Variants in ACYP2 observed in about 807,000 individuals in gnomAD.
The protein encoded by ACYP2 is acylphosphatase 2, also known as acylphosphatase-2.
Under a neutral mutation model 11.2 loss-of-function variants are expected in ACYP2, and 12 were observed. The observed-to-expected ratio is 1.08, with a 90% CI of 0.69 to 1.74. The LOEUF is 1.74. Ranked by LOEUF, ACYP2 falls within the 40% of genes most tolerant of loss-of-function variation. The pLI is 0.00. For synonymous variants in ACYP2, 43 were observed against 32.2 expected, an observed-to-expected ratio of 1.33 and a Z score of -1.13; for missense variants, 134 against 101.9, an observed-to-expected ratio of 1.31 and a Z score of -1.35.
chr2:54,244,962 T>C (rs1278633736), intron 6 of ACYP2, among the ~76,000 whole-genome samples: 2 of 152,192 alleles, frequency 1.3e-5, no homozygotes, highest in African/African-American at 4.8e-5. Flanking sequence ...CCTATAGTGC[T>C]ATAAAACAGA....
At chr2:54,100,769 A>T (rs575480038) in intron 4 of ACYP2, among the ~76,000 whole-genome samples, 1 of 152,212 alleles carries the variant, frequency 6.6e-6, no homozygotes, top group Non-Finnish European at 1.5e-5. Flanking sequence ...ACTATTTTCT[A>T]TTTTTTGAAT....
At chr2:53,984,817 G>A (rs1040446295) in intron 2 of ACYP2, among the ~76,000 whole-genome samples, 3 of 151,612 alleles carry the variant, frequency 2.0e-5, no homozygotes, top group African/African-American at 7.3e-5. Flanking sequence ...AAATGTTGTA[G>A]GATGAATGCA....
chr2:54,210,140 T>TC (rs1558615550), intron 6 of ACYP2, among the ~76,000 whole-genome samples: 8 of 51,326 alleles, frequency 1.6e-4, no homozygotes, highest in Non-Finnish European at 2.6e-4. Flanking sequence ...AGACTGTGTC[T>TC]CAAAAAAAAA....
chr2:54,219,584 T>C (rs1373651881), intron 6 of ACYP2, among the ~76,000 whole-genome samples: 1 of 152,102 alleles, frequency 6.6e-6, no homozygotes, highest in Admixed American at 6.6e-5. Flanking sequence ...ATCACTAATG[T>C]TATATCTCCT....
intron 2 of ACYP2, among the ~76,000 whole-genome samples, chr2:54,004,145 A>T (rs1472806654): frequency 6.6e-6 from 1 of 151,840 alleles, no homozygotes; most frequent in African/African-American, 2.4e-5. Flanking sequence ...CGCCATGCCC[A>T]GCTAATTTTT....
At chr2:54,277,664 A>G (rs1688659950) in intron 6 of ACYP2, among the ~76,000 whole-genome samples, 1 of 151,876 alleles carries the variant, frequency 6.6e-6, no homozygotes, top group Non-Finnish European at 1.5e-5. Flanking sequence ...GGCGATAGAG[A>G]GAGACTCCGT....
At chr2:53,973,870 TG>T (rs1671312581) in intron 2 of ACYP2, 1 of 114,678 alleles carries the variant, frequency 8.7e-6, no homozygotes, top group Admixed American at 9.4e-5. Flanking sequence ...TGTGTGTGTG[TG>T]TGTGTGTGTG....
intron 6 of ACYP2, among the ~76,000 whole-genome samples, chr2:54,151,347 A>G (rs189195620): frequency 2.5e-4 from 38 of 152,366 alleles, no homozygotes; most frequent in African/African-American, 7.2e-4. Context: ...ACTTTTCTCC[A>G]GCAGACCATT....
chr2:54,278,090 G>A (rs568668621), intron 6 of ACYP2, among the ~76,000 whole-genome samples: 29 of 152,172 alleles, frequency 1.9e-4, no homozygotes, highest in Admixed American at 5.9e-4. Context: ...CCATTCTCCC[G>A]CCTCAGCCTC....
intron 4 of ACYP2, among the ~76,000 whole-genome samples, chr2:54,058,551 G>A (rs1676285477): frequency 6.6e-6 from 1 of 152,056 alleles, no homozygotes; most frequent in Non-Finnish European, 1.5e-5. Flanking sequence ...TATGATGTCA[G>A]TGTTGGTCAT....
chr2:54,256,797 A>G (rs1687560242), intron 6 of ACYP2, among the ~76,000 whole-genome samples: 1 of 151,236 alleles, frequency 6.6e-6, no homozygotes, highest in South Asian at 2.1e-4. Context: ...GCCCACCACC[A>G]TGCCCGGTTT....
intron 2 of ACYP2, among the ~76,000 whole-genome samples, chr2:54,012,717 C>T (rs1424861889): frequency 6.6e-6 from 1 of 152,144 alleles, no homozygotes; most frequent in Non-Finnish European, 1.5e-5. Flanking sequence ...CGGGTTGTTT[C>T]CCAAGCCTCC....
chr2:54,069,068 C>A (rs796870115), intron 4 of ACYP2, among the ~76,000 whole-genome samples: 84 of 152,126 alleles, frequency 5.5e-4, no homozygotes, highest in African/African-American at 1.8e-3. Context: ...GCTGGGACTA[C>A]ATGTGGCACC....
At position 54,255,660 on chromosome 2, in the gene ACYP2, C is replaced by T. The variant is rs752201041; in HGVS notation, c.405-49028C>T. 3.1e-6 allele frequency: 5 copies of T among 1,613,752 alleles called. No homozygotes were observed. In the African/African-American group the frequency reaches 5.3e-5, roughly 17 times the overall value. On this transcript the variant is annotated intron_variant, in intron 6 of 6. Coordinates refer to ENST00000607452, the MANE Select transcript of ACYP2 (RefSeq NM_001320586.2). ...CGTCCATTTCTTCGCCTCCTGGCTT[C>T]TCATCCACTGGGGCTGAGAACATGG...
intron 4 of ACYP2, among the ~76,000 whole-genome samples, chr2:54,119,902 T>C (rs1248787191): frequency 6.6e-6 from 1 of 152,218 alleles, no homozygotes; most frequent in Admixed American, 6.5e-5. Flanking sequence ...TACCTTGTTG[T>C]CGATGACGTT....
intron 5 of ACYP2, among the ~76,000 whole-genome samples, chr2:54,136,845 A>C (rs1681273009): frequency 6.6e-6 from 1 of 152,114 alleles, no homozygotes; most frequent in Non-Finnish European, 1.5e-5. Context: ...GCATGGTGGC[A>C]GATGCCTGTA....
intron 6 of ACYP2, among the ~76,000 whole-genome samples, chr2:54,275,142 G>C (rs1031050955): frequency 6.6e-6 from 1 of 152,214 alleles, no homozygotes; most frequent in African/African-American, 2.4e-5. Flanking sequence ...TTTGAACCCT[G>C]AGTTAAAATG....
At chr2:54,051,090 G>A (rs1675840224) in intron 3 of ACYP2, 1 of 570,118 alleles carries the variant, frequency 1.8e-6, no homozygotes, top group Non-Finnish European at 3.1e-6. Flanking sequence ...CCTTTAAAGA[G>A]CTGTGCAATG....
chr2:54,096,289 G>GTGGCCGGGC (rs1678571785), intron 4 of ACYP2, among the ~76,000 whole-genome samples: 2 of 143,130 alleles, frequency 1.4e-5, no homozygotes, highest in African/African-American at 5.2e-5. Context: ...GCCGGGCAGA[G>GTGGCCGGGC]ACGCTCCTCA....
Sources: gnomAD v4.1 joint callset for allele counts (sites outside exome capture counted in the v4.1 genomes callset) on GRCh38, gnomAD v4.1.1 for gene constraint, MANE v1.5 for transcripts, NCBI Gene and HGNC (gene_info 2026-07-23, HGNC 2026-07-21) for gene names.